Variants in VGLL4 observed in about 807,000 individuals in gnomAD.
The protein encoded by VGLL4 is transcription cofactor vestigial-like protein 4.
Under a neutral mutation model 21.0 loss-of-function variants are expected in VGLL4, and 7 were observed. The ratio of observed to expected loss-of-function variants is 0.33; its 90% confidence interval spans 0.19 to 0.63. VGLL4 has a LOEUF of 0.63. Among genes scored for constraint, VGLL4 ranks in the 20% least tolerant of loss-of-function variants. VGLL4 has a pLI of 0.78. For synonymous variants in VGLL4, 222 were observed against 173.2 expected (o/e 1.28, Z -2.21); for missense variants, 394 against 425.7 (o/e 0.93, Z 0.66).
chr3:11,620,785 A>G (rs2075251855), intron 1 of VGLL4, among the ~76,000 whole-genome samples: 2 of 152,210 alleles, frequency 1.3e-5, no homozygotes, highest in African/African-American at 4.8e-5. Context: ...CACCCCCAGG[A>G]CCCGACCGTC....
chr3:11,576,634 G>GACTAGAGGACTA (rs2074056061), intron 2 of VGLL4, among the ~76,000 whole-genome samples: 1 of 152,204 alleles, frequency 6.6e-6, no homozygotes, highest in Non-Finnish European at 1.5e-5. Context: ...AGGACTAGAG[G>GACTAGAGGACTA]GAGGGGTGAA....
chr3:11,702,455 C>CAAAAAAAAAA (rs56189603), intron 2 of VGLL4, among the ~76,000 whole-genome samples: 18 of 96,126 alleles, frequency 1.9e-4, no homozygotes, highest in East Asian at 9.0e-4. Flanking sequence ...ACTAAAAATA[C>CAAAAAAAAAA]AAAAAAAAAA....
intron 2 of VGLL4, among the ~76,000 whole-genome samples, chr3:11,665,303 C>CG (rs1160326995): frequency 2.0e-5 from 3 of 151,620 alleles, no homozygotes; most frequent in Admixed American, 1.3e-4. Flanking sequence ...TTAGTAGAGA[C>CG]GGGGTTTCAC....
chr3:11,707,165 A>T (rs910080400), intron 1 of VGLL4, among the ~76,000 whole-genome samples: 3 of 148,626 alleles, frequency 2.0e-5, no homozygotes, highest in East Asian at 1.9e-4. Context: ...AAAAAAAAAA[A>T]TTTAAATAAA....
chr3:11,705,579 A>G (rs1297370666), intron 1 of VGLL4, among the ~76,000 whole-genome samples: 1 of 152,250 alleles, frequency 6.6e-6, no homozygotes, highest in Admixed American at 6.5e-5. Flanking sequence ...CTTGTTCAAC[A>G]ATGGAGAAAA....
intron 2 of VGLL4, among the ~76,000 whole-genome samples, chr3:11,594,644 G>A (rs1234831834): frequency 6.6e-6 from 1 of 152,186 alleles, no homozygotes; most frequent in Non-Finnish European, 1.5e-5. Context: ...CCCACTGTTT[G>A]CCTTCAAGAG....
chr3:11,617,592 G>C (rs1272857147), intron 1 of VGLL4, among the ~76,000 whole-genome samples: 1 of 152,192 alleles, frequency 6.6e-6, no homozygotes, highest in African/African-American at 2.4e-5. Flanking sequence ...ACATTTTAAG[G>C]AAAGATCAGA....
chr3:11,647,989 T>TTA (rs2075817687), upstream of VGLL4, among the ~76,000 whole-genome samples: 1 of 147,402 alleles, frequency 6.8e-6, no homozygotes, highest in African/African-American at 2.5e-5. Context: ...AGCTCATCCA[T>TTA]AAAAAAAAAA....
intron 1 of VGLL4, among the ~76,000 whole-genome samples, chr3:11,717,469 A>T (rs897826455): frequency 3.4e-5 from 5 of 145,126 alleles, no homozygotes; most frequent in Non-Finnish European, 4.5e-5. Flanking sequence ...ATAAGGAGTT[A>T]AGAGGAATTT....
chr3:11,660,611 GT>G (rs2076023869), intron 2 of VGLL4, among the ~76,000 whole-genome samples: 1 of 152,100 alleles, frequency 6.6e-6, no homozygotes, highest in South Asian at 2.1e-4. Flanking sequence ...CAAAATTTTA[GT>G]TTTACTTTGT....
Position 11,591,694 on chromosome 3 carries a change from A to G in VGLL4, c.272+10139T>C, listed in dbSNP as rs950074644. On this transcript the variant is annotated intron_variant, in intron 2 of 4. Transcript: ENST00000430365. ...TGTGACCTTTACTTAAAGGTACCAC[A>G]CTCCATTAGCAAAACACTTCCAGGG... 3.3e-5 allele frequency among the ~76,000 whole-genome samples: 5 copies of G among 152,314 alleles called. No homozygotes were observed. In the South Asian group the frequency reaches 1.0e-3, roughly 32 times the overall value.
intron 2 of VGLL4, among the ~76,000 whole-genome samples, chr3:11,591,269 C>T (rs934650889): frequency 1.3e-5 from 2 of 152,208 alleles, no homozygotes; most frequent in East Asian, 1.9e-4. Context: ...CTCTAATAGG[C>T]GTTCCTCTTT....
At position 11,710,898 on chromosome 3, in the gene VGLL4, G is replaced by A. The variant is rs577084745; in HGVS notation, c.-13-7851C>T. Among the ~76,000 whole-genome samples the A allele has an allele frequency of 1.2e-4, 19 of 152,080 alleles. No individual in the cohort carries two copies. In the East Asian group the frequency reaches 2.7e-3, roughly 22 times the overall value. Reference sequence around the variant, plus strand: ...GCAGATCACTTGAGGTCAGGAGTTCGAAACCAGTCTGGCCAACATGGTGAA... The same window carrying A: ...GCAGATCACTTGAGGTCAGGAGTTCAAAACCAGTCTGGCCAACATGGTGAA... On this transcript the variant is annotated intron_variant, in intron 1 of 5. Coordinates refer to the VGLL4 transcript ENST00000273038.
chr3:11,570,619 A>T (rs933290289), intron 2 of VGLL4, among the ~76,000 whole-genome samples: 1 of 152,254 alleles, frequency 6.6e-6, no homozygotes, highest in Non-Finnish European at 1.5e-5. Context: ...TCCAGTTAAC[A>T]GCGTTTGTGG....
At chr3:11,564,633 C>CCAAGTGCACA (rs2073355026) in intron 3 of VGLL4, 164 bp downstream of exon 3, 2 of 818,672 alleles carry the variant, frequency 2.4e-6, no homozygotes, top group Non-Finnish European at 3.8e-6. Context: ...GTCCCTTGTC[C>CCAAGTGCACA]CAAGTGCACA....
chr3:11,655,268 C>T lies in VGLL4; in HGVS notation c.64+47703G>A, dbSNP rs78438452. ...CACGTAATTTTTGCAAGCTCCCCTC[C>T]CCTTAGGGGTCAGGACCACTACCCT... On this transcript the variant is annotated intron_variant, in intron 2 of 5. Transcript: ENST00000273038. Among the ~76,000 whole-genome samples the T allele has an allele frequency of 3.7e-3, 558 of 152,286 alleles. 3 individuals are homozygous for T. Among genetic ancestry groups the T allele is most frequent in the Non-Finnish European group, 5.4e-3 (365 of 68,030 alleles).
intron 2 of VGLL4, among the ~76,000 whole-genome samples, chr3:11,668,774 G>C (rs995314329): frequency 2.0e-5 from 3 of 152,184 alleles, no homozygotes; most frequent in Admixed American, 6.5e-5. Flanking sequence ...CAGTGAACTT[G>C]GCTGACAGCC....
intron 3 of VGLL4, 91 bp downstream of exon 3, chr3:11,564,706 C>T (rs954846314): frequency 6.2e-6 from 9 of 1,445,828 alleles, no homozygotes; most frequent in Non-Finnish European, 5.6e-6. Context: ...CCCTCACCAC[C>T]GCCCTCGGAG....
intron 1 of VGLL4, among the ~76,000 whole-genome samples, chr3:11,631,928 C>T (rs3856803): frequency 0.44 from 66,317 of 152,020 alleles, 14,925 homozygotes; most frequent in Non-Finnish European, 0.51. Context: ...AAATCCCCCT[C>T]GGAGTGCTGT....
Sources: gnomAD v4.1 joint callset for allele counts (sites outside exome capture counted in the v4.1 genomes callset) on GRCh38, gnomAD v4.1.1 for gene constraint, MANE v1.5 for transcripts, NCBI Gene and HGNC (gene_info 2026-07-23, HGNC 2026-07-21) for gene names.